The following TNFRSF14 variants were observed in gnomAD, a reference collection of about 807,000 sequenced individuals.
The protein encoded by TNFRSF14 is TNF receptor superfamily member 14, also known as tumor necrosis factor receptor superfamily member 14.
TNFRSF14 carries 18 observed loss-of-function variants against 34.1 expected under a neutral mutation model. The ratio of observed to expected loss-of-function variants is 0.53; its 90% CI spans 0.36 to 0.78. The LOEUF is 0.78. Among genes scored for constraint, TNFRSF14 ranks in the 30% least tolerant of loss-of-function variants. The pLI, the probability that TNFRSF14 is intolerant of heterozygous loss-of-function variation, is 0.00. For missense variants in TNFRSF14, 352 were observed against 379.5 expected (o/e 0.93, Z 0.60); for synonymous variants, 157 against 153.2 (o/e 1.02, Z -0.18).
chr1:2,558,663 T>A, intron 3 of TNFRSF14, 195 bp downstream of exon 3: 1 of 1,193,048 alleles, frequency 8.4e-7, no homozygotes, highest in Non-Finnish European at 1.2e-6. Flanking sequence ...CACCTCTGTC[T>A]CACCTCTCAC....
chr1:2,560,821 C>A, intron 5 of TNFRSF14, 107 bp downstream of exon 5: 1 of 991,596 alleles, frequency 1.0e-6, no homozygotes, highest in Non-Finnish European at 1.5e-6. Flanking sequence ...GAAGGTCCCA[C>A]CCTGAGCGGC....
At chr1:2,558,765 C>A (rs1404591785) in intron 3 of TNFRSF14, 2 of 1,275,940 alleles carry the variant, frequency 1.6e-6, no homozygotes, top group South Asian at 1.5e-5. Context: ...GGTGCCCAGA[C>A]CTCTCCTGTG....
At position 2,563,279 on chromosome 1, in the gene TNFRSF14, A is replaced by G. The variant is rs576941360; in HGVS notation, c.*6A>G. 7.3e-4 allele frequency: 1,170 copies of G among 1,613,144 alleles called. 11 individuals are homozygous for G. The South Asian group carries it at 0.012, about 17-fold the overall frequency. On this transcript the variant is annotated 3_prime_UTR_variant, in exon 8 of 8. Transcript: ENST00000355716. ...GGAGGAGCCCAAACCACTGACCCAC[A>G]GACTCTGCACCCCGACGCCAGAGAT...
At chr1:2,558,166 C>T (rs1644247076) in intron 2 of TNFRSF14, among the ~76,000 whole-genome samples, 177 bp from the exon 3 acceptor site, 1 of 152,184 alleles carries the variant, frequency 6.6e-6, no homozygotes, top group South Asian at 2.1e-4. Context: ...TCCGATTTTC[C>T]CCAGAGCAGC....
In TNFRSF14 at chr1:2,558,377, G is replaced by A. The variant is rs748450628; in HGVS notation, c.213G>A (p.Thr71=). ...TGAAGGAGGCCTGCGGGGAGCTGACGGGCACAGTGTGTGAACCCTGCCCTC... is the reference window on the plus strand; with the variant it reads ...TGAAGGAGGCCTGCGGGGAGCTGACAGGCACAGTGTGTGAACCCTGCCCTC... ...YRVKEACGEL[T]GTVCEPCPPG... is the part of the protein sequence containing the mutation. The change falls in exon 3 of 8, where the codon ACG becomes ACA. Residue 71 remains threonine (T), a synonymous_variant. Transcript: ENST00000355716. 9 of 1,612,224 alleles carry A rather than the reference G, an allele frequency of 5.6e-6. No homozygotes were observed. The East Asian group carries it at 1.1e-4, about 20-fold the overall frequency.
rs113646406 is a variant in TNFRSF14 at position 2,563,289 on chromosome 1, C to T, written c.*16C>T. 289 of 1,611,770 alleles carry T rather than the reference C, an allele frequency of 1.8e-4. No homozygotes were observed. In the African/African-American group the frequency reaches 3.7e-3, roughly 21 times the overall value. On this transcript the variant is annotated 3_prime_UTR_variant, in exon 8 of 8. Coordinates refer to ENST00000355716, the MANE Select transcript of TNFRSF14 (RefSeq NM_003820.4). Reference sequence around the variant, plus strand: ...AAACCACTGACCCACAGACTCTGCACCCCGACGCCAGAGATACCTGGAGCG... The same window carrying T: ...AAACCACTGACCCACAGACTCTGCATCCCGACGCCAGAGATACCTGGAGCG...
rs770712580 is a variant in TNFRSF14 at position 2,563,199 on chromosome 1, G to C, written c.778G>C (p.Ala260Pro). ...GEATVIEALQ[A>P]PPDVTTVAVE... is the part of the protein sequence containing the mutation. The stretch of plus-strand genomic sequence containing the variant: ...GGCCACAGTCATTGAGGCCCTGCAG[G>C]CCCCTCCGGACGTCACCACGGTGGC... Residue 260 changes from alanine (A) to proline (P), a missense_variant, in exon 8 of 8, where the codon GCC (alanine) becomes CCC (proline). Coordinates refer to ENST00000355716, the MANE Select transcript of TNFRSF14 (RefSeq NM_003820.4). 6.2e-7 allele frequency: 1 copy of C among 1,613,390 alleles called. No individual in the cohort carries two copies. The highest frequency in any genetic ancestry group is 1.3e-5 in the African/African-American group (1 of 74,936).
chr1:2,559,795 C>T (rs2100852303), intron 3 of TNFRSF14, 28 bp from the exon 4 acceptor site: 1 of 1,596,620 alleles, frequency 6.3e-7, no homozygotes, highest in Non-Finnish European at 8.5e-7. Flanking sequence ...TCCACGTACC[C>T]CTCTCAGCCC....
Position 2,563,311 on chromosome 1 carries a change from A to T in TNFRSF14, c.*38A>T. 6.2e-7 allele frequency: 1 copy of T among 1,605,732 alleles called. No homozygotes were observed. The highest frequency in any genetic ancestry group is 8.5e-7 in the Non-Finnish European group (1 of 1,174,148). ...GCACCCCGACGCCAGAGATACCTGG[A>T]GCGACGGCTGCTGAAAGAGGCTGTC... On this transcript the variant is annotated 3_prime_UTR_variant, in exon 8 of 8. Coordinates refer to ENST00000355716, the MANE Select transcript of TNFRSF14 (RefSeq NM_003820.4).
intron 6 of TNFRSF14, chr1:2,562,602 A>G (rs1241326134): frequency 5.0e-6 from 3 of 600,766 alleles, no homozygotes; most frequent in Admixed American, 2.9e-5. Context: ...AGGGTTAGTT[A>G]TGCACTTGGG....
At position 2,557,775 on chromosome 1, in the gene TNFRSF14, C is replaced by T. The variant is rs1372886406; in HGVS notation, c.119C>T (p.Pro40Leu). The T allele has an allele frequency of 9.9e-6, 16 of 1,611,614 alleles. No homozygotes were observed. The highest frequency in any genetic ancestry group is 1.7e-4 in the Middle Eastern group (1 of 5,998). The stretch of plus-strand genomic sequence containing the variant: ...GCCCCCTGCTACGCCCCAGCTCTGC[C>T]GTCCTGCAAGGAGGACGAGTACCCA... ...LGAPCYAPAL[P>L]SCKEDEYPVG... Residue 40 changes from proline (P) to leucine (L), a missense_variant, in exon 2 of 8, where the codon CCG becomes CTG. Physicochemically the swap from Pro to Leu is moderately conservative, Grantham distance 98. Transcript: ENST00000355716.
At chr1:2,557,617 C>T in intron 1 of TNFRSF14, 109 bp from the exon 2 acceptor site, 1 of 807,538 alleles carries the variant, frequency 1.2e-6, no homozygotes, top group Non-Finnish European at 1.9e-6. Flanking sequence ...CTACCAGGCA[C>T]TGCCGCTCCT....
At chr1:2,556,827 C>T (rs1378590191) in intron 1 of TNFRSF14, 94 bp downstream of exon 1, 32 of 1,319,680 alleles carry the variant, frequency 2.4e-5, no homozygotes, top group Non-Finnish European at 1.2e-5. Context: ...CTGTCCTGGC[C>T]GTTGCTGGCT....
chr1:2,558,801 A>T (rs1350593113), intron 3 of TNFRSF14: 1 of 1,312,698 alleles, frequency 7.6e-7, no homozygotes, highest in South Asian at 1.5e-5. Flanking sequence ...GCAAAGTGGA[A>T]TGGGATGGTG....
At chr1:2,562,088 C>A in intron 6 of TNFRSF14, 1 of 517,660 alleles carries the variant, frequency 1.9e-6, no homozygotes, top group African/African-American at 1.9e-5. Flanking sequence ...CTCCTGCCTG[C>A]CCCCTGTGGG....
Position 2,562,852 on chromosome 1 carries a change from CTG to C in TNFRSF14, c.695-9_695-8del. 1 of 1,614,006 alleles carries C rather than the reference CTG, an allele frequency of 6.2e-7. No individual in the cohort carries two copies. The highest frequency in any genetic ancestry group is 8.5e-7 in the Non-Finnish European group (1 of 1,179,984). On this transcript the variant is annotated splice_polypyrimidine_tract_variant and intron_variant, in intron 6 of 7. Transcript: ENST00000355716. ...CACTGCCCCTCCCTGACCTGTGTGT[CTG>C]TGTATTGCAGGTGATGTAGTCAAGG... is the stretch of plus-strand genomic sequence containing the variant.
At chr1:2,560,969 A>G (rs1057127315) in intron 5 of TNFRSF14, 7 of 491,874 alleles carry the variant, frequency 1.4e-5, no homozygotes, top group African/African-American at 1.4e-4. Context: ...TCCCAGAAGC[A>G]GGCCCAGAGG....
upstream of TNFRSF14, chr1:2,555,361 TC>T (rs1250172831): frequency 6.6e-6 from 1 of 152,116 alleles, no homozygotes; most frequent in African/African-American, 2.4e-5. The surrounding 1 kb of genome is among the most constrained non-coding windows in gnomAD (Gnocchi z 6.3). Flanking sequence ...GGGGTGCAGG[TC>T]CCCGGGCTCC....
chr1:2,557,598 C>T (rs1644236828), intron 1 of TNFRSF14, 128 bp from the exon 2 acceptor site: 2 of 671,188 alleles, frequency 3.0e-6, no homozygotes, highest in Non-Finnish European at 2.4e-6. Flanking sequence ...GGGCCCGCTT[C>T]TGTCCTCTCT....
Sources: allele counts gnomAD v4.1 joint callset (sites outside exome capture counted in the v4.1 genomes callset), GRCh38; gene constraint gnomAD v4.1.1; non-coding constraint Gnocchi (gnomAD v3.1); transcripts MANE v1.5; gene names NCBI Gene and HGNC (gene_info 2026-07-23, HGNC 2026-07-21).